Variants in PIP5K1B observed in about 807,000 individuals in gnomAD.
The protein encoded by PIP5K1B is phosphatidylinositol-4-phosphate 5-kinase type 1 beta.
A neutral mutation model predicts 67.0 loss-of-function variants in PIP5K1B; 42 were observed. The ratio of observed to expected loss-of-function variants is 0.63; its 90% CI spans 0.49 to 0.81. The LOEUF is 0.81. Ranked by LOEUF, PIP5K1B falls within the 30% of genes least tolerant of loss-of-function variation. The probability of loss-of-function intolerance (pLI) is 0.00; values close to 1 mark genes in which losing one functional copy is unlikely to be tolerated. For missense variants in PIP5K1B, 459 were observed against 646.3 expected (o/e 0.71, Z 3.14); for synonymous variants, 214 against 231.4 (o/e 0.92, Z 0.68).
At chr9:68,850,798 A>G (rs1822445584) in intron 4 of PIP5K1B, among the ~76,000 whole-genome samples, 1 of 152,210 alleles carries the variant, frequency 6.6e-6, no homozygotes, top group Non-Finnish European at 1.5e-5. Flanking sequence ...CAAATAAATA[A>G]CAATTTTTAT....
At chr9:68,868,098 A>T (rs1272710310) in intron 5 of PIP5K1B, among the ~76,000 whole-genome samples, 2 of 152,164 alleles carry the variant, frequency 1.3e-5, no homozygotes, top group Non-Finnish European at 2.9e-5. Context: ...ATCTCTTTTA[A>T]CTGTTTGGCT....
chr9:68,772,488 C>T (rs976912462), intron 2 of PIP5K1B, among the ~76,000 whole-genome samples: 1 of 152,116 alleles, frequency 6.6e-6, no homozygotes, highest in African/African-American at 2.4e-5. Context: ...TCAGCGCTAC[C>T]GGGGAGGGTA....
intron 2 of PIP5K1B, among the ~76,000 whole-genome samples, chr9:68,787,826 T>G (rs1587450246): frequency 6.6e-6 from 1 of 151,974 alleles, no homozygotes; most frequent in South Asian, 2.1e-4. Context: ...AGAGACGGGG[T>G]TTCACCATGT....
chr9:68,881,175 G>A (rs945293191), intron 6 of PIP5K1B, among the ~76,000 whole-genome samples: 3 of 152,124 alleles, frequency 2.0e-5, no homozygotes, highest in African/African-American at 4.8e-5. Flanking sequence ...TCACCAGCTG[G>A]CCTCATGCTT....
intron 2 of PIP5K1B, among the ~76,000 whole-genome samples, chr9:68,799,121 T>C (rs1201574053): frequency 2.0e-5 from 3 of 152,222 alleles, no homozygotes; most frequent in Admixed American, 6.5e-5. Context: ...AAGGGAGCTG[T>C]CAGTTGGCTA....
Position 68,828,866 on chromosome 9 carries a change from C to A in PIP5K1B, c.69+6183C>A, listed in dbSNP as rs190250180. Among the ~76,000 whole-genome samples the A allele has an allele frequency of 5.3e-5, 8 of 152,212 alleles. No individual in the cohort carries two copies. The South Asian group carries it at 1.7e-3, about 32-fold the overall frequency. ...CCTGTAATCCCAGCACTTCGGGAGG[C>A]CGAGATGGGTGGATCACCTGAGGTC... On this transcript the variant is annotated intron_variant, in intron 4 of 15. Transcript: ENST00000265382.
chr9:68,990,456 G>A (rs1315540239), intron 14 of PIP5K1B, among the ~76,000 whole-genome samples: 1 of 151,736 alleles, frequency 6.6e-6, no homozygotes, highest in Non-Finnish European at 1.5e-5. Context: ...GATGCACAAG[G>A]TTATCTTTTG....
chr9:68,709,953 A>G (rs1235222800), intron 1 of PIP5K1B, among the ~76,000 whole-genome samples: 1 of 152,204 alleles, frequency 6.6e-6, no homozygotes, highest in Non-Finnish European at 1.5e-5. Context: ...TGGTATTCTC[A>G]ACTTCTCTTC....
rs1827084875 is a variant in PIP5K1B, at chr9:68,705,608, G to GCCGCCCCCTCCGCCCT, written c.-394_-379dup. 2 of 9,686 alleles carry GCCGCCCCCTCCGCCCT rather than the reference G, an allele frequency of 2.1e-4. No individual in the cohort carries two copies. Among genetic ancestry groups the GCCGCCCCCTCCGCCCT allele is most frequent in the Non-Finnish European group, 4.3e-4 (2 of 4,690 alleles). 0.6% of individuals were successfully genotyped at this position (9,686 alleles called of 1,614,324 possible). The stretch of plus-strand genomic sequence containing the variant: ...GTTGCCCCCGGCCCCGGCCCCGCCC[G>GCCGCCCCCTCCGCCCT]CCGCCCCCTCCGCCCTCCCGCCCCT... On this transcript the variant is annotated 5_prime_UTR_variant, in exon 1 of 16. Transcript: ENST00000265382.
chr9:68,843,874 C>T (rs1418869734), intron 4 of PIP5K1B, among the ~76,000 whole-genome samples: 3 of 152,112 alleles, frequency 2.0e-5, no homozygotes, highest in African/African-American at 2.4e-5. Context: ...GAAAGATGAA[C>T]GGATTCTGCA....
At chr9:68,715,129 A>C (rs1001022206) in intron 1 of PIP5K1B, among the ~76,000 whole-genome samples, 3 of 152,212 alleles carry the variant, frequency 2.0e-5, no homozygotes, top group Admixed American at 1.3e-4. Flanking sequence ...GGCAGGATAG[A>C]TAAAGAAACA....
intron 14 of PIP5K1B, among the ~76,000 whole-genome samples, chr9:68,987,355 G>A (rs560013799): frequency 6.6e-6 from 1 of 152,238 alleles, no homozygotes; most frequent in African/African-American, 2.4e-5. Context: ...TTTGAGGCCA[G>A]CAGTTCAAGA....
At chr9:68,968,194 G>A (rs1296740331) in intron 14 of PIP5K1B, among the ~76,000 whole-genome samples, 2 of 152,144 alleles carry the variant, frequency 1.3e-5, no homozygotes, top group Non-Finnish European at 2.9e-5. Flanking sequence ...TCGTTTTGAT[G>A]TTTAAATCAA....
intron 14 of PIP5K1B, among the ~76,000 whole-genome samples, chr9:68,956,237 G>A (rs892067728): frequency 6.6e-6 from 1 of 152,206 alleles, no homozygotes. Context: ...TTGGAAGGCT[G>A]AGGCAGGAGG....
chr9:68,796,069 T>A (rs1012678655), intron 2 of PIP5K1B, among the ~76,000 whole-genome samples: 3 of 152,228 alleles, frequency 2.0e-5, no homozygotes, highest in African/African-American at 7.2e-5. Context: ...TGTTTGCACT[T>A]CATGTATATT....
chr9:68,735,760 G>A (rs1225947008), intron 1 of PIP5K1B, among the ~76,000 whole-genome samples: 1 of 152,170 alleles, frequency 6.6e-6, no homozygotes, highest in Non-Finnish European at 1.5e-5. Context: ...AGGGAGTAGG[G>A]GGTTCTGAGG....
chr9:68,807,579 T>C (rs1297429886), intron 2 of PIP5K1B, among the ~76,000 whole-genome samples: 1 of 152,182 alleles, frequency 6.6e-6, no homozygotes, highest in Non-Finnish European at 1.5e-5. Context: ...CTGTGTGGCT[T>C]TGGTTTCTCA....
At chr9:69,006,148 T>C (rs1023549992) in intron 15 of PIP5K1B, among the ~76,000 whole-genome samples, 14 of 152,264 alleles carry the variant, frequency 9.2e-5, no homozygotes, top group Admixed American at 9.2e-4. Flanking sequence ...GCTGGGATTA[T>C]AGACGTGACC....
chr9:68,867,221 T>C (rs1823403355), intron 5 of PIP5K1B, among the ~76,000 whole-genome samples: 1 of 152,154 alleles, frequency 6.6e-6, no homozygotes, highest in African/African-American at 2.4e-5. Context: ...TGAAAAAGAA[T>C]TATTGTCCCG....
Sources: allele counts gnomAD v4.1 joint callset (sites outside exome capture counted in the v4.1 genomes callset), GRCh38; gene constraint gnomAD v4.1.1; transcripts MANE v1.5; gene names NCBI Gene and HGNC (gene_info 2026-07-23, HGNC 2026-07-21).